Variants in JAK1 observed in about 807,000 individuals in gnomAD.
The protein encoded by JAK1 is Janus kinase 1, also known as tyrosine-protein kinase JAK1.
A neutral mutation model predicts 136.6 loss-of-function variants in JAK1; 16 were observed. The observed-to-expected ratio is 0.12, with a 90% CI of 0.08 to 0.18. The LOEUF (loss-of-function observed/expected upper bound fraction) is 0.18. JAK1 is among the 10% of genes least tolerant of loss of function. The pLI, the probability that JAK1 is intolerant of heterozygous loss-of-function variation, is 1.00. For missense variants in JAK1, 859 were observed against 1,450.1 expected, an observed-to-expected ratio of 0.59 and a Z score of 6.62; for synonymous variants, 492 against 519.5, an observed-to-expected ratio of 0.95 and a Z score of 0.72.
intron 1 of JAK1, among the ~76,000 whole-genome samples, chr1:64,932,708 T>C (rs1453265293): frequency 2.0e-5 from 3 of 152,198 alleles, no homozygotes; most frequent in South Asian, 2.1e-4. Context: ...ACTAACGCTA[T>C]GGTTTGTTTT....
intron 7 of JAK1, among the ~76,000 whole-genome samples, chr1:64,865,289 T>G (rs553022568): frequency 6.6e-6 from 1 of 152,344 alleles, no homozygotes; most frequent in South Asian, 2.1e-4. Flanking sequence ...CATTCAGGTC[T>G]CCTCACTTCC....
intron 1 of JAK1, among the ~76,000 whole-genome samples, chr1:65,044,587 G>A (rs2100843149): frequency 6.6e-6 from 1 of 152,360 alleles, no homozygotes; most frequent in Non-Finnish European, 1.5e-5. Flanking sequence ...CTGCACCTGT[G>A]TGGTGGAAAG....
intron 5 of JAK1, among the ~76,000 whole-genome samples, chr1:64,871,755 C>G (rs536115496): frequency 6.6e-6 from 1 of 152,234 alleles, no homozygotes; most frequent in African/African-American, 2.4e-5. Context: ...TTTTGCTCCA[C>G]TGCCACTGTT....
chr1:64,913,717 G>GGAAAGA, intron 1 of JAK1, among the ~76,000 whole-genome samples: 1 of 55,534 alleles, frequency 1.8e-5, no homozygotes, highest in African/African-American at 5.8e-5. Context: ...GGGAGGGAGG[G>GGAAAGA]AGGGAGGGAG....
In JAK1 at chr1:64,883,477, T is replaced by A. The variant is rs777807845; in HGVS notation, c.7-2A>T. 1 of 1,612,672 alleles carries A rather than the reference T, an allele frequency of 6.2e-7. No individual in the cohort carries two copies. Among genetic ancestry groups the A allele is most frequent in the Non-Finnish European group, 8.5e-7 (1 of 1,178,970 alleles). ...GCAGTCCTCTTTTATATTTAGATAC[T>A]GTTGTGGAAGGAAAACAAGACTATG... On this transcript the variant is annotated splice_acceptor_variant, in intron 2 of 24. Transcript: ENST00000342505. LOFTEE classifies it high-confidence loss of function.
chr1:64,962,744 A>C (rs1412987702), intron 1 of JAK1, among the ~76,000 whole-genome samples: 1 of 152,194 alleles, frequency 6.6e-6, no homozygotes, highest in Non-Finnish European at 1.5e-5. Flanking sequence ...GAATGAGAAC[A>C]TGGCTTGGAG....
chr1:65,042,150 G>A (rs1215489378), intron 2 of JAK1, among the ~76,000 whole-genome samples: 1 of 152,114 alleles, frequency 6.6e-6, no homozygotes, highest in Non-Finnish European at 1.5e-5. Flanking sequence ...TTTTAAAGCA[G>A]TACAGTATAA....
intron 1 of JAK1, among the ~76,000 whole-genome samples, chr1:64,891,458 C>T (rs759258137): frequency 5.9e-5 from 9 of 152,214 alleles, no homozygotes; most frequent in Non-Finnish European, 1.2e-4. Context: ...TTTAAAAAAT[C>T]ACTGCATGGC....
intron 1 of JAK1, among the ~76,000 whole-genome samples, chr1:64,914,319 A>G (rs534293617): frequency 6.6e-6 from 1 of 152,358 alleles, no homozygotes; most frequent in East Asian, 1.9e-4. Context: ...CAATTTTAAT[A>G]TAAGAGAATG....
At chr1:65,005,793 C>T (rs1646799177) in intron 2 of JAK1, among the ~76,000 whole-genome samples, 1 of 152,126 alleles carries the variant, frequency 6.6e-6, no homozygotes. Flanking sequence ...TTTGATGGAA[C>T]TTGACAACTT....
intron 1 of JAK1, among the ~76,000 whole-genome samples, chr1:65,066,317 A>C (rs1482069796): frequency 2.6e-5 from 4 of 152,074 alleles, no homozygotes; most frequent in African/African-American, 9.7e-5. Flanking sequence ...GACCAGCACA[A>C]ATTACAGCAA....
At chr1:64,845,024 CTGTG>C (rs760277218) in intron 15 of JAK1, 135 bp from the exon 16 acceptor site, 21 of 1,208,416 alleles carry the variant, frequency 1.7e-5, no homozygotes, top group Non-Finnish European at 2.4e-5. Context: ...TGCCAATCAT[CTGTG>C]TGACTTAGGC....
intron 1 of JAK1, among the ~76,000 whole-genome samples, chr1:64,948,198 CA>C (rs1415869958): frequency 6.6e-6 from 1 of 152,112 alleles, no homozygotes; most frequent in Non-Finnish European, 1.5e-5. Context: ...TTATTAAATC[CA>C]AATCTAATCA....
rs117291305 is a variant in JAK1 at position 64,859,923 on chromosome 1, G to A, written c.1334+182C>T. 1.4e-5 allele frequency: 6 copies of A among 437,000 alleles called. No homozygotes were observed. In the East Asian group the frequency reaches 2.0e-4, roughly 15 times the overall value. 27.1% of individuals were successfully genotyped at this position (437,000 alleles called of 1,614,324 possible). A position where few individuals can be genotyped will look rare whatever the true frequency, so the allele number is the denominator to read the frequency against. Reference sequence around the variant, plus strand: ...CAGCATTGAGGGGCTGCTGCAAAGAGGATGGTAGGAGATTACAGGAAGGCC... The same window carrying A: ...CAGCATTGAGGGGCTGCTGCAAAGAAGATGGTAGGAGATTACAGGAAGGCC... On this transcript the variant is annotated intron_variant, in intron 9 of 24. Coordinates refer to ENST00000342505, the MANE Select transcript of JAK1 (RefSeq NM_002227.4).
intron 1 of JAK1, among the ~76,000 whole-genome samples, chr1:64,893,147 A>C (rs543311473): frequency 6.6e-6 from 1 of 152,308 alleles, no homozygotes; most frequent in East Asian, 1.9e-4. Flanking sequence ...TCTTTAAAAA[A>C]AATAAAAATA....
At position 64,871,972 on chromosome 1, in the gene JAK1, A is replaced by C. The variant is rs543296322; in HGVS notation, c.483+1398T>G. On this transcript the variant is annotated intron_variant, in intron 5 of 24. Transcript: ENST00000342505. ...AAAGCATAACCCCTTGCCAGCTCCT[A>C]CAAGGCTCTGTGTATGCAATCTGCC... Among the ~76,000 whole-genome samples, 9 of 152,282 alleles carry C rather than the reference A, an allele frequency of 5.9e-5. No homozygotes were observed. The East Asian group carries it at 1.7e-3, about 29-fold the overall frequency.
intron 1 of JAK1, among the ~76,000 whole-genome samples, chr1:65,055,287 G>T (rs1156824811): frequency 6.6e-6 from 1 of 152,106 alleles, no homozygotes; most frequent in African/African-American, 2.4e-5. Context: ...ATTTCACTTA[G>T]CATGGTATCT....
chr1:65,049,875 C>T (rs532776397), intron 1 of JAK1, among the ~76,000 whole-genome samples: 1 of 152,302 alleles, frequency 6.6e-6, no homozygotes, highest in African/African-American at 2.4e-5. Context: ...TTCAGACAAT[C>T]ATGATGTCAA....
intron 2 of JAK1, among the ~76,000 whole-genome samples, chr1:65,002,710 G>A (rs1404741896): frequency 1.3e-5 from 2 of 152,350 alleles, no homozygotes; most frequent in East Asian, 1.9e-4. Context: ...CGGAGGCGGG[G>A]GCACCGCGCA....
Sources: gnomAD v4.1 joint callset for allele counts (sites outside exome capture counted in the v4.1 genomes callset) on GRCh38, gnomAD v4.1.1 for gene constraint, MANE v1.5 for transcripts, NCBI Gene and HGNC (gene_info 2026-07-23, HGNC 2026-07-21) for gene names.